The following ARHGAP17 variants were observed in gnomAD, a reference collection of about 807,000 sequenced individuals.
ARHGAP17 encodes the protein Rho GTPase activating protein 17, also known as rho GTPase-activating protein 17.
Under a neutral mutation model 99.5 loss-of-function variants are expected in ARHGAP17, and 57 were observed. That is an observed-to-expected ratio of 0.57 (90% CI 0.46 to 0.71). The LOEUF is 0.71. ARHGAP17 is among the 30% of genes least tolerant of loss of function. The pLI, the probability that ARHGAP17 is intolerant of heterozygous loss-of-function variation, is 0.00. For missense variants in ARHGAP17, 1,000 were observed against 1,122.4 expected (o/e 0.89, Z 1.56); for synonymous variants, 417 against 429.6 (o/e 0.97, Z 0.36).
intron 17 of ARHGAP17, chr16:24,936,705 C>CA (rs1214131359): frequency 0.067 from 8,543 of 126,972 alleles, 329 homozygotes; most frequent in Middle Eastern, 0.16. Context: ...GATGCTGTCT[C>CA]AAAAAAAAAA....
chr16:25,006,604 T>C (rs2053513983), intron 1 of ARHGAP17, among the ~76,000 whole-genome samples: 1 of 152,148 alleles, frequency 6.6e-6, no homozygotes, highest in African/African-American at 2.4e-5. Flanking sequence ...ACATGCTTCT[T>C]ATGAAGTGCC....
chr16:24,947,722 T>G (rs937529342), intron 13 of ARHGAP17, 127 bp from the exon 14 acceptor site: 1 of 696,754 alleles, frequency 1.4e-6, no homozygotes, highest in Admixed American at 2.5e-5. Context: ...AATCAGAATC[T>G]GGCTCAGGTG....
rs1022569131 is a variant in ARHGAP17 at position 25,015,355 on chromosome 16, G to A, written c.-94C>T. On this transcript the variant is annotated 5_prime_UTR_variant, in exon 1 of 20. Transcript: ENST00000289968. ...ACATCGCTTCCCGGCCCAAACGGCG[G>A]CGCGGCGGTGGCTCCCCGGGCCGGC... is the stretch of plus-strand genomic sequence containing the variant. 10 of 1,147,776 alleles carry A rather than the reference G, an allele frequency of 8.7e-6. No individual in the cohort carries two copies. In the African/African-American group the frequency reaches 1.3e-4, roughly 15 times the overall value. The allele number at this position is 1,147,776 out of a possible 1,614,324, so 71.1% of individuals were successfully genotyped here. A position where few individuals can be genotyped will look rare whatever the true frequency, so the allele number is the denominator to read the frequency against.
chr16:24,930,657 C>G (rs2050956178), intron 19 of ARHGAP17, 127 bp downstream of exon 19: 3 of 1,512,922 alleles, frequency 2.0e-6, no homozygotes, highest in Non-Finnish European at 1.8e-6. Flanking sequence ...GGCTGCAGGA[C>G]AGGTTTGGTT....
chr16:24,959,933 T>TC lies in ARHGAP17; in HGVS notation c.619dup (p.Glu207GlyfsTer18). The TC allele has an allele frequency of 6.2e-7, 1 of 1,614,134 alleles. No homozygotes were observed. Among genetic ancestry groups the TC allele is most frequent in the Non-Finnish European group, 8.5e-7 (1 of 1,179,996 alleles). On this transcript the variant is annotated frameshift_variant, in exon 8 of 20. Coordinates refer to ENST00000289968, the MANE Select transcript of ARHGAP17 (RefSeq NM_001006634.3). LOFTEE classifies it high-confidence loss of function. ...TACCGTAACAAAGAATTTGCCATAC[T>TC]CCCCTTCTTTGGCCATAAAGTTGTA...
At chr16:24,995,989 A>G (rs1479842608) in intron 1 of ARHGAP17, among the ~76,000 whole-genome samples, 9 of 152,134 alleles carry the variant, frequency 5.9e-5, no homozygotes, top group Admixed American at 5.9e-4. Context: ...CAACCTCTCC[A>G]GTATCTGGGA....
At chr16:24,991,775 T>C (rs1372627121) in intron 1 of ARHGAP17, among the ~76,000 whole-genome samples, 2 of 152,140 alleles carry the variant, frequency 1.3e-5, no homozygotes, top group African/African-American at 2.4e-5. Context: ...GTATAAACCA[T>C]CCATCCGAGG....
intron 13 of ARHGAP17, chr16:24,949,059 A>G (rs112547761): frequency 0.016 from 2,884 of 182,292 alleles, 86 homozygotes; most frequent in African/African-American, 0.063. Flanking sequence ...AGAATGTACA[A>G]TTATTGATTA....
chr16:24,955,701 G>A lies in ARHGAP17; in HGVS notation c.725-971C>T, dbSNP rs1353169976. The A allele has an allele frequency of 6.6e-6, 1 of 152,262 alleles. No individual in the cohort carries two copies. Among genetic ancestry groups the A allele is most frequent in the Non-Finnish European group, 1.5e-5 (1 of 68,090 alleles). 9.4% of individuals were successfully genotyped at this position (152,262 alleles called of 1,614,324 possible). The stretch of plus-strand genomic sequence containing the variant: ...CCATTGGTCCCTTAGCAGCTCTGCT[G>A]TTAGAAAGCTGGGTTGGAAGAAGGC... On this transcript the variant is annotated intron_variant, in intron 9 of 19. Coordinates refer to ENST00000289968, the MANE Select transcript of ARHGAP17 (RefSeq NM_001006634.3). The surrounding 1 kb of genome is among the most constrained non-coding windows in gnomAD (Gnocchi z 4.0).
intron 17 of ARHGAP17, among the ~76,000 whole-genome samples, chr16:24,937,388 C>T (rs1050290027): frequency 1.4e-4 from 22 of 151,766 alleles, no homozygotes; most frequent in Non-Finnish European, 3.2e-4. Flanking sequence ...CACCACTGCA[C>T]TCCAGCCTGG....
chr16:24,958,629 T>C (rs1208321743), intron 9 of ARHGAP17, among the ~76,000 whole-genome samples: 1 of 152,240 alleles, frequency 6.6e-6, no homozygotes, highest in Admixed American at 6.5e-5. Flanking sequence ...TAAAATTTTA[T>C]AATTCCATAA....
chr16:24,989,276 C>T (rs973993111), intron 1 of ARHGAP17, among the ~76,000 whole-genome samples: 12 of 152,188 alleles, frequency 7.9e-5, no homozygotes, highest in Non-Finnish European at 1.6e-4. Flanking sequence ...CACATTTGGA[C>T]TTTGACAAGC....
chr16:24,968,530 C>T, intron 5 of ARHGAP17, 103 bp from the exon 6 acceptor site: 1 of 1,513,326 alleles, frequency 6.6e-7, no homozygotes, highest in Non-Finnish European at 9.2e-7. Flanking sequence ...GGATTTTGTA[C>T]CTTCAATTGA....
intron 1 of ARHGAP17, among the ~76,000 whole-genome samples, chr16:25,004,796 G>A (rs1289624189): frequency 6.6e-6 from 1 of 152,196 alleles, no homozygotes; most frequent in Non-Finnish European, 1.5e-5. Flanking sequence ...CTGTGGGAAA[G>A]GAGAGGAAGA....
chr16:25,015,161 C>A, intron 1 of ARHGAP17, 48 bp downstream of exon 1: 1 of 1,241,924 alleles, frequency 8.1e-7, no homozygotes, highest in Non-Finnish European at 1.0e-6. Flanking sequence ...GCCCTCCGCC[C>A]TCCGCCCCCA....
chr16:24,961,633 C>T (rs1430747019), intron 7 of ARHGAP17, among the ~76,000 whole-genome samples: 3 of 142,792 alleles, frequency 2.1e-5, no homozygotes, highest in Non-Finnish European at 4.5e-5. Context: ...GGGGTTCAAG[C>T]GATTCTCCTG....
intron 3 of ARHGAP17, among the ~76,000 whole-genome samples, chr16:24,976,036 T>A (rs1955415284): frequency 6.6e-6 from 1 of 152,162 alleles, no homozygotes; most frequent in South Asian, 2.1e-4. Context: ...CAGCCCATGC[T>A]CTAGGTCTGG....
At chr16:24,935,388 A>T (rs1490456164) in intron 18 of ARHGAP17, 82 bp downstream of exon 18, 28 of 1,430,362 alleles carry the variant, frequency 2.0e-5, no homozygotes, top group Non-Finnish European at 2.3e-5. Flanking sequence ...CTGGCCACAA[A>T]CCTCACCATC....
chr16:25,006,095 C>T (rs1207492295), intron 1 of ARHGAP17, among the ~76,000 whole-genome samples: 1 of 152,002 alleles, frequency 6.6e-6, no homozygotes, highest in Admixed American at 6.6e-5. Context: ...AGATACAATC[C>T]AGCTCAAGCC....
Sources: allele counts gnomAD v4.1 joint callset (sites outside exome capture counted in the v4.1 genomes callset), GRCh38; gene constraint gnomAD v4.1.1; non-coding constraint Gnocchi (gnomAD v3.1); transcripts MANE v1.5; gene names NCBI Gene and HGNC (gene_info 2026-07-23, HGNC 2026-07-21).